The following TVP23A variants were observed in gnomAD, a reference collection of about 807,000 sequenced individuals.
TVP23A encodes the protein Golgi apparatus membrane protein TVP23 homolog A.
TVP23A carries 21 observed loss-of-function variants against 31.7 expected under a neutral mutation model. The ratio of observed to expected loss-of-function variants is 0.66; its 90% CI spans 0.47 to 0.95. The LOEUF (loss-of-function observed/expected upper bound fraction) is 0.95, where lower values mean the gene tolerates loss of function less well. TVP23A is among the 40% of genes least tolerant of loss of function. The pLI is 0.00. For synonymous variants in TVP23A, 104 were observed against 96.0 expected (o/e 1.08, Z -0.49); for missense variants, 279 against 255.6 (o/e 1.09, Z -0.62).
intron 2 of TVP23A, among the ~76,000 whole-genome samples, chr16:10,780,039 G>C (rs1407761140): frequency 2.0e-5 from 3 of 152,180 alleles, no homozygotes; most frequent in Non-Finnish European, 2.9e-5. Flanking sequence ...AGTGAGCCAA[G>C]ATCGTGCCAC....
intron 6 of TVP23A, 32 bp from the exon 7 acceptor site, chr16:10,770,363 G>T (rs762350475): frequency 6.5e-7 from 1 of 1,547,978 alleles, no homozygotes; most frequent in East Asian, 2.5e-5. Flanking sequence ...ATGGTTTTCT[G>T]TCCTTACACG....
chr16:10,771,459 C>A (rs1424984189), intron 6 of TVP23A, among the ~76,000 whole-genome samples: 1 of 152,114 alleles, frequency 6.6e-6, no homozygotes, highest in African/African-American at 2.4e-5. Flanking sequence ...CGCTTGAGCC[C>A]AAGAGATGGA....
At chr16:10,812,477 G>A (rs2034249477) in intron 2 of TVP23A, among the ~76,000 whole-genome samples, 2 of 152,202 alleles carry the variant, frequency 1.3e-5, no homozygotes, top group South Asian at 4.1e-4. Flanking sequence ...TTGCAGTACT[G>A]TTCTCAACAG....
At chr16:10,817,877 C>T (rs1596595991) in intron 2 of TVP23A, among the ~76,000 whole-genome samples, 3 of 152,300 alleles carry the variant, frequency 2.0e-5, no homozygotes, top group Middle Eastern at 3.4e-3. Context: ...ATTCAATTAT[C>T]TCATTAATCT....
intron 2 of TVP23A, among the ~76,000 whole-genome samples, chr16:10,807,298 G>C (rs1426602254): frequency 6.7e-6 from 1 of 148,812 alleles, no homozygotes; most frequent in Non-Finnish European, 1.5e-5. Flanking sequence ...GCCCACCAAG[G>C]TGTCATCAAT....
Position 10,813,916 on chromosome 16 carries a change from T to G in TVP23A, c.89+4187A>C, listed in dbSNP as rs555127798. Among the ~76,000 whole-genome samples, 372 of 144,928 alleles carry G rather than the reference T, an allele frequency of 2.6e-3. 1 individual carries two copies. The highest frequency in any genetic ancestry group is 9.2e-3 in the African/African-American group (359 of 38,880). On this transcript the variant is annotated intron_variant, in intron 2 of 7. Coordinates refer to ENST00000299866, the MANE Select transcript of TVP23A (RefSeq NM_001079512.4). ...CAGGAGGCTGAGGCAGGAGAATCAC[T>G]TGAACCCGGGAGGCAGAGGTTGCAG...
intron 2 of TVP23A, among the ~76,000 whole-genome samples, chr16:10,784,803 C>T (rs748137844): frequency 1.2e-4 from 18 of 152,060 alleles, no homozygotes; most frequent in Admixed American, 2.6e-4. Flanking sequence ...TGAAACTGCT[C>T]TAAAAACAGA....
At position 10,783,080 on chromosome 16, in the gene TVP23A, AG is replaced by A. The variant is rs371889085; in HGVS notation, c.90-7985del. Among the ~76,000 whole-genome samples, 692 of 152,158 alleles carry A rather than the reference AG, an allele frequency of 4.5e-3. 1 individual carries two copies. The highest frequency in any genetic ancestry group is 0.016 in the African/African-American group (649 of 41,514). ...GTTGTGTTCTTTCTTGGAGTGGGTGAGGGGGTAGTGATTGGGAAGGGATATG... is the reference window on the plus strand; with the variant it reads ...GTTGTGTTCTTTCTTGGAGTGGGTGAGGGGTAGTGATTGGGAAGGGATATG... On this transcript the variant is annotated intron_variant, in intron 2 of 7. Transcript: ENST00000299866.
downstream of TVP23A, among the ~76,000 whole-genome samples, chr16:10,758,300 A>G (rs1900708651): frequency 1.3e-5 from 2 of 152,020 alleles, no homozygotes; most frequent in Admixed American, 1.3e-4. Flanking sequence ...GCAAAACCCC[A>G]TCTCTACAAA....
chr16:10,813,212 C>T (rs1164299518), intron 2 of TVP23A, among the ~76,000 whole-genome samples: 1 of 152,168 alleles, frequency 6.6e-6, no homozygotes, highest in African/African-American at 2.4e-5. Flanking sequence ...CAGGCTGATA[C>T]AATTATCCCC....
rs1462035831 is a variant in TVP23A at position 10,777,401 on chromosome 16, T to C, written c.90-2305A>G. Among the ~76,000 whole-genome samples the C allele has an allele frequency of 6.6e-6, 1 of 152,046 alleles. No individual in the cohort carries two copies. The highest frequency in any genetic ancestry group is 1.5e-5 in the Non-Finnish European group (1 of 68,008). ...AACCTCTGGATTAGGTTACAAAATG[T>C]TGTGGGCTTTGGAAAATGCGGGGCC... On this transcript the variant is annotated intron_variant, in intron 2 of 7. Coordinates refer to ENST00000299866, the MANE Select transcript of TVP23A (RefSeq NM_001079512.4). The surrounding 1 kb of genome is among the most constrained non-coding windows in gnomAD (Gnocchi z 4.5).
rs778560358 is a variant in TVP23A, at chr16:10,771,634, G to A, written c.582+36C>T. On this transcript the variant is annotated intron_variant, in intron 6 of 7. Coordinates refer to ENST00000299866, the MANE Select transcript of TVP23A (RefSeq NM_001079512.4). The stretch of plus-strand genomic sequence containing the variant: ...GCCACCTTGACTTTGACTACCTGGA[G>A]AGGAGTGGTCCAAGAGTCAGACCTC... The A allele has an allele frequency of 4.9e-5, 79 of 1,611,774 alleles. No individual in the cohort carries two copies. The South Asian group carries it at 8.4e-4, about 17-fold the overall frequency.
chr16:10,789,414 G>C (rs549881683), intron 2 of TVP23A, among the ~76,000 whole-genome samples: 55 of 152,154 alleles, frequency 3.6e-4, no homozygotes, highest in Non-Finnish European at 6.8e-4. Flanking sequence ...CCAAATATGA[G>C]TGACCGTAGC....
downstream of TVP23A, chr16:10,758,162 T>C: frequency 9.9e-7 from 1 of 1,013,928 alleles, no homozygotes; most frequent in Non-Finnish European, 1.4e-6. Context: ...CTGATGTGGG[T>C]CTGCAGAAAC....
At chr16:10,794,553 G>A (rs1387976237) in intron 2 of TVP23A, among the ~76,000 whole-genome samples, 1 of 152,218 alleles carries the variant, frequency 6.6e-6, no homozygotes, top group Non-Finnish European at 1.5e-5. Context: ...AATAAGTGAG[G>A]TAGGAAGAGG....
intron 2 of TVP23A, among the ~76,000 whole-genome samples, chr16:10,781,066 C>T (rs780379637): frequency 6.6e-6 from 1 of 152,120 alleles, no homozygotes; most frequent in Non-Finnish European, 1.5e-5. Context: ...TCGGTGCTAA[C>T]GCCTATAATC....
chr16:10,807,934 A>C (rs182689408), intron 2 of TVP23A, among the ~76,000 whole-genome samples: 2 of 152,134 alleles, frequency 1.3e-5, no homozygotes, highest in Admixed American at 1.3e-4. Flanking sequence ...GCTGGACTCG[A>C]ACTCCTGGAC....
At chr16:10,758,105 C>T (rs1900690499), downstream of TVP23A, 5 of 1,519,104 alleles carry the variant, frequency 3.3e-6, no homozygotes, top group Non-Finnish European at 4.5e-6. Flanking sequence ...GGCTCTGATA[C>T]TCTGGTCTCA....
intron 2 of TVP23A, among the ~76,000 whole-genome samples, chr16:10,780,478 T>C (rs2032356652): frequency 6.6e-6 from 1 of 152,194 alleles, no homozygotes; most frequent in Non-Finnish European, 1.5e-5. Flanking sequence ...ACTGGCTCTC[T>C]CAGCTTTTAA....
Sources: gnomAD v4.1 joint callset for allele counts (sites outside exome capture counted in the v4.1 genomes callset) on GRCh38, gnomAD v4.1.1 for gene constraint, Gnocchi (gnomAD v3.1) non-coding constraint, MANE v1.5 for transcripts, NCBI Gene and HGNC (gene_info 2026-07-23, HGNC 2026-07-21) for gene names.